The following ARHGAP26 variants were observed in gnomAD, a reference collection of about 807,000 sequenced individuals.
The protein encoded by ARHGAP26 is rho GTPase-activating protein 26.
A neutral mutation model predicts 104.8 loss-of-function variants in ARHGAP26; 38 were observed. The ratio of observed to expected loss-of-function variants is 0.36; its 90% CI spans 0.28 to 0.48. The LOEUF (loss-of-function observed/expected upper bound fraction) is 0.48. Among genes scored for constraint, ARHGAP26 ranks in the 20% least tolerant of loss-of-function variants. ARHGAP26 has a pLI of 0.99. For missense variants in ARHGAP26, 704 were observed against 947.9 expected (o/e 0.74, Z 3.38); for synonymous variants, 341 against 340.0 (o/e 1.00, Z -0.03).
intron 14 of ARHGAP26, among the ~76,000 whole-genome samples, chr5:143,043,692 G>T (rs1344351581): frequency 6.6e-6 from 1 of 152,144 alleles, no homozygotes; most frequent in Non-Finnish European, 1.5e-5. Context: ...AACATTTGTG[G>T]GGTGTCTGCT....
At chr5:142,786,548 C>G (rs889390435) in intron 1 of ARHGAP26, among the ~76,000 whole-genome samples, 3 of 152,064 alleles carry the variant, frequency 2.0e-5, no homozygotes, top group African/African-American at 7.2e-5. Flanking sequence ...ATCTTCCCAC[C>G]TTAGCCTCCT....
At chr5:143,189,339 C>A (rs959443107) in intron 20 of ARHGAP26, among the ~76,000 whole-genome samples, 12 of 152,148 alleles carry the variant, frequency 7.9e-5, no homozygotes, top group African/African-American at 2.9e-4. Flanking sequence ...AGACAGTGAG[C>A]CCTCAGCAGT....
At chr5:143,053,989 T>G (rs1282511246) in intron 14 of ARHGAP26, among the ~76,000 whole-genome samples, 1 of 152,246 alleles carries the variant, frequency 6.6e-6, no homozygotes, top group Non-Finnish European at 1.5e-5. Context: ...CATTCTTCTA[T>G]CGTTGGACAT....
intron 19 of ARHGAP26, among the ~76,000 whole-genome samples, chr5:143,135,372 C>T (rs1797792616): frequency 6.6e-6 from 1 of 152,134 alleles, no homozygotes; most frequent in African/African-American, 2.4e-5. Context: ...GGTAATGGCA[C>T]AGGTATTGCC....
chr5:142,979,061 A>G (rs1598463387), intron 11 of ARHGAP26, among the ~76,000 whole-genome samples: 1 of 152,320 alleles, frequency 6.6e-6, no homozygotes. Context: ...CAATTATACA[A>G]AGACCTTTTT....
rs527580603 is a variant in ARHGAP26, at chr5:142,823,415, C to T, written c.155-49985C>T. 1.7e-3 allele frequency among the ~76,000 whole-genome samples: 254 copies of T among 152,050 alleles called. 1 individual carries two copies. Among genetic ancestry groups the T allele is most frequent in the Middle Eastern group, 6.8e-3 (2 of 294 alleles). On this transcript the variant is annotated intron_variant, in intron 1 of 22. Coordinates refer to ENST00000645722, the MANE Select transcript of ARHGAP26 (RefSeq NM_001135608.3). Reference sequence around the variant, plus strand: ...TTCTGTGTTTTTTTTTCTTTCTCTTCTTCCCTGCAGAAATAAAGCCACAGA... The same window carrying T: ...TTCTGTGTTTTTTTTTCTTTCTCTTTTTCCCTGCAGAAATAAAGCCACAGA...
In ARHGAP26 at chr5:143,051,775, G is replaced by A. The variant is rs1323447067; in HGVS notation, c.1286-2664G>A. ...CTATGGTTACAGAGCCCGAATAAGT[G>A]GAAGCTAATCATTAGTTTGCTAAAT... On this transcript the variant is annotated intron_variant, in intron 14 of 22. Transcript: ENST00000645722. Among the ~76,000 whole-genome samples the A allele has an allele frequency of 2.0e-5, 3 of 152,178 alleles. No homozygotes were observed. The East Asian group carries it at 5.8e-4, about 29-fold the overall frequency.
chr5:143,197,800 G>A (rs1379638638), intron 20 of ARHGAP26, among the ~76,000 whole-genome samples: 1 of 152,150 alleles, frequency 6.6e-6, no homozygotes, highest in Non-Finnish European at 1.5e-5. Flanking sequence ...GAACACATTT[G>A]TTATGTATGG....
intron 3 of ARHGAP26, among the ~76,000 whole-genome samples, chr5:142,876,838 C>T (rs911652260): frequency 3.4e-5 from 5 of 147,194 alleles, no homozygotes; most frequent in Non-Finnish European, 7.5e-5. Flanking sequence ...GTAGAAACCT[C>T]TTACCTTTTG....
At chr5:142,987,977 A>T (rs932701383) in intron 11 of ARHGAP26, among the ~76,000 whole-genome samples, 1 of 152,214 alleles carries the variant, frequency 6.6e-6, no homozygotes, top group African/African-American at 2.4e-5. Context: ...TGTCTCTGCC[A>T]GGCTTTGGTA....
At chr5:143,137,849 G>A (rs962546267) in intron 19 of ARHGAP26, among the ~76,000 whole-genome samples, 10 of 152,196 alleles carry the variant, frequency 6.6e-5, no homozygotes, top group Non-Finnish European at 1.2e-4. Flanking sequence ...TCTCTGCAGT[G>A]TCCTTACTCT....
At chr5:142,924,063 C>T (rs562949168) in intron 10 of ARHGAP26, among the ~76,000 whole-genome samples, 30 of 152,000 alleles carry the variant, frequency 2.0e-4, no homozygotes, top group African/African-American at 6.8e-4. Flanking sequence ...GGGGTTTCAC[C>T]GTGTTAGCCA....
chr5:142,824,889 A>T (rs1365372263), intron 1 of ARHGAP26, among the ~76,000 whole-genome samples: 1 of 152,244 alleles, frequency 6.6e-6, no homozygotes, highest in Non-Finnish European at 1.5e-5. Context: ...GGCAAATGTT[A>T]AATATATATT....
intron 12 of ARHGAP26, among the ~76,000 whole-genome samples, chr5:143,031,359 G>A (rs1781810041): frequency 6.6e-6 from 1 of 152,228 alleles, no homozygotes; most frequent in South Asian, 2.1e-4. Context: ...AGAATAAGAA[G>A]ACCAGCCAGG....
At chr5:142,987,238 T>C (rs1774887335) in intron 11 of ARHGAP26, among the ~76,000 whole-genome samples, 1 of 152,218 alleles carries the variant, frequency 6.6e-6, no homozygotes, top group South Asian at 2.1e-4. Context: ...TTCCTAGGTA[T>C]TTTATTCTCT....
chr5:142,928,231 G>A (rs865915777), intron 10 of ARHGAP26, among the ~76,000 whole-genome samples: 1 of 130,100 alleles, frequency 7.7e-6, no homozygotes, highest in Non-Finnish European at 1.6e-5. Flanking sequence ...GTGTGTGTGT[G>A]TTTTTTTTTT....
intron 1 of ARHGAP26, among the ~76,000 whole-genome samples, chr5:142,833,616 A>G (rs1414336843): frequency 6.6e-6 from 1 of 152,122 alleles, no homozygotes; most frequent in Non-Finnish European, 1.5e-5. Context: ...GGGCACAAGC[A>G]TTTTTAAGGG....
chr5:143,228,035 CT>C lies in ARHGAP26; in HGVS notation c.*5592del, dbSNP rs199873621. 6.5e-3 allele frequency: 1,438 copies of C among 220,430 alleles called. 20 individuals carry two copies. The highest frequency in any genetic ancestry group is 0.03 in the African/African-American group (1,360 of 44,780). The allele number at this position is 220,430 out of a possible 1,614,324, so 13.7% of individuals were successfully genotyped here. A position where few individuals can be genotyped will look rare whatever the true frequency, so the allele number is the denominator to read the frequency against. On this transcript the variant is annotated 3_prime_UTR_variant, in exon 23 of 23. Coordinates refer to ENST00000645722, the MANE Select transcript of ARHGAP26 (RefSeq NM_001135608.3). ...CATGACATGTCCATGTCAAAATTCA[CT>C]TTAGTCAGAACCAGAGTATTGATAA...
chr5:142,979,147 T>TA (rs2152724521), intron 11 of ARHGAP26, among the ~76,000 whole-genome samples: 1 of 152,316 alleles, frequency 6.6e-6, no homozygotes, highest in Non-Finnish European at 1.5e-5. Flanking sequence ...CTAGGTTTGA[T>TA]AATACCATGG....
Sources: allele counts gnomAD v4.1 joint callset (sites outside exome capture counted in the v4.1 genomes callset), GRCh38; gene constraint gnomAD v4.1.1; transcripts MANE v1.5; gene names NCBI Gene and HGNC (gene_info 2026-07-23, HGNC 2026-07-21).